The following RBFOX3 variants were observed in gnomAD, a reference collection of about 807,000 sequenced individuals.
RBFOX3 encodes the protein RNA binding protein fox-1 homolog 3.
In RBFOX3, 17 loss-of-function variants were observed where a neutral mutation model predicts 48.7. The ratio of observed to expected loss-of-function variants is 0.35; its 90% CI spans 0.24 to 0.52. The LOEUF (loss-of-function observed/expected upper bound fraction) is 0.52, where lower values mean the gene tolerates loss of function less well. Among genes scored for constraint, RBFOX3 ranks in the 20% least tolerant of loss-of-function variants. RBFOX3 has a pLI of 0.94. For missense variants in RBFOX3, 382 were observed against 497.5 expected, an observed-to-expected ratio of 0.77 and a Z score of 2.21; for synonymous variants, 212 against 209.5, an observed-to-expected ratio of 1.01 and a Z score of -0.10.
rs1268966407 is a variant in RBFOX3 at position 79,212,502 on chromosome 17, C to T, written c.-34+23264G>A. On this transcript the variant is annotated intron_variant, in intron 4 of 14. Transcript: ENST00000693108. The surrounding 1 kb of genome is among the most constrained non-coding windows in gnomAD (Gnocchi z 4.7). The stretch of plus-strand genomic sequence containing the variant: ...GGGTCGGGTCTCACCCTGGGCCCCC[C>T]AGTCCGCAACTCCTGACTCCTTATT... Among the ~76,000 whole-genome samples the T allele has an allele frequency of 6.6e-6, 1 of 152,232 alleles. No individual in the cohort carries two copies. Among genetic ancestry groups the T allele is most frequent in the Non-Finnish European group, 1.5e-5 (1 of 68,048 alleles).
At chr17:79,555,786 AGTGATGGTGATGACGGTG>A (rs1339628927) in intron 1 of RBFOX3, among the ~76,000 whole-genome samples, 147 of 818 alleles carry the variant, frequency 0.18, no homozygotes, top group Admixed American at 0.15. Flanking sequence ...TGATAATGGC[AGTGATGGTGATGACGGTG>A]GTGATGGTGA....
chr17:79,491,948 G>A (rs1041244203), intron 1 of RBFOX3, among the ~76,000 whole-genome samples: 3 of 152,100 alleles, frequency 2.0e-5, no homozygotes, highest in Non-Finnish European at 2.9e-5. Context: ...CAAGTATGGT[G>A]GTGCATACCT....
intron 4 of RBFOX3, among the ~76,000 whole-genome samples, chr17:79,156,021 C>G (rs1364028997): frequency 6.6e-6 from 1 of 152,232 alleles, no homozygotes; most frequent in Non-Finnish European, 1.5e-5. Context: ...AGGTGGGCAT[C>G]ATTCAGCGGC....
chr17:79,653,553 C>G, the RBFOX3 span, among the ~76,000 whole-genome samples: 1 of 152,150 alleles, frequency 6.6e-6, no homozygotes, highest in East Asian at 1.9e-4. Context: ...AAAACCCGAT[C>G]TACCATAAAA....
chr17:79,315,755 T>G (rs2145839386), intron 2 of RBFOX3, among the ~76,000 whole-genome samples: 1 of 152,346 alleles, frequency 6.6e-6, no homozygotes, highest in African/African-American at 2.4e-5. Context: ...GCCGCCACCC[T>G]GGGGGTCTCT....
intron 2 of RBFOX3, among the ~76,000 whole-genome samples, chr17:79,381,472 G>A (rs1412660543): frequency 6.6e-6 from 1 of 152,144 alleles, no homozygotes; most frequent in Non-Finnish European, 1.5e-5. Context: ...GAGTGCTGAG[G>A]AGCTCCCCGG....
At chr17:79,250,760 C>T (rs1417082627) in intron 3 of RBFOX3, among the ~76,000 whole-genome samples, 1 of 151,956 alleles carries the variant, frequency 6.6e-6, no homozygotes, top group African/African-American at 2.4e-5. Context: ...CCTTTCTTTC[C>T]TTTTCTTTTT....
intron 1 of RBFOX3, among the ~76,000 whole-genome samples, chr17:79,545,485 G>A (rs12603295): frequency 0.22 from 32,952 of 152,106 alleles, 4,160 homozygotes; most frequent in East Asian, 0.49. Context: ...TCCCCACTTC[G>A]GCCACCTTGG....
At chr17:79,102,317 G>A (rs2076595009) in intron 8 of RBFOX3, among the ~76,000 whole-genome samples, 1 of 152,214 alleles carries the variant, frequency 6.6e-6, no homozygotes, top group African/African-American at 2.4e-5. Context: ...AAGGGGTCTG[G>A]GCTGTTCTGC....
Position 79,090,627 on chromosome 17 carries a change from C to T in RBFOX3, c.*256G>A. The T allele has an allele frequency of 1.9e-6, 1 of 513,182 alleles. No individual in the cohort carries two copies. Among genetic ancestry groups the T allele is most frequent in the Non-Finnish European group, 3.5e-6 (1 of 289,262 alleles). The allele number at this position is 513,182 out of a possible 1,614,324, so 31.8% of individuals were successfully genotyped here. ...TGCCTGAGACGGAGGGGCGTGTTCCCACTGTGCTGCCAGCCAGGACGCGGT... is the reference window on the plus strand; with the variant it reads ...TGCCTGAGACGGAGGGGCGTGTTCCTACTGTGCTGCCAGCCAGGACGCGGT... On this transcript the variant is annotated 3_prime_UTR_variant, in exon 15 of 15. Transcript: ENST00000693108.
intron 2 of RBFOX3, among the ~76,000 whole-genome samples, chr17:79,380,772 C>T (rs1190149918): frequency 1.3e-5 from 2 of 151,466 alleles, no homozygotes; most frequent in African/African-American, 4.9e-5. Flanking sequence ...TGCTCTGGTG[C>T]CCTGCCACCA....
rs999807737 is a variant in RBFOX3 at position 79,392,633 on chromosome 17, C to T, written c.-174-84809G>A. Reference sequence around the variant, plus strand: ...TCACTTCCAGCCGAAGTTTGCAGAACCAACAGTGTGTGCAGTACCACACCC... The same window carrying T: ...TCACTTCCAGCCGAAGTTTGCAGAATCAACAGTGTGTGCAGTACCACACCC... On this transcript the variant is annotated intron_variant, in intron 2 of 14. Coordinates refer to ENST00000693108, the MANE Select transcript of RBFOX3 (RefSeq NM_001350451.2). The surrounding 1 kb of genome is among the most constrained non-coding windows in gnomAD (Gnocchi z 5.0). 6.6e-6 allele frequency among the ~76,000 whole-genome samples: 1 copy of T among 152,188 alleles called. No homozygotes were observed. The highest frequency in any genetic ancestry group is 1.5e-5 in the Non-Finnish European group (1 of 68,038).
In RBFOX3 at chr17:79,386,626, T is replaced by G. The variant is rs565404958; in HGVS notation, c.-174-78802A>C. On this transcript the variant is annotated intron_variant, in intron 2 of 14. Transcript: ENST00000693108. ...AGCCAGACACCTTCCCCAGAGTCAGTGTGAGCTCCCGGCCAACAACCACGG... is the reference window on the plus strand; with the variant it reads ...AGCCAGACACCTTCCCCAGAGTCAGGGTGAGCTCCCGGCCAACAACCACGG... 2.0e-5 allele frequency among the ~76,000 whole-genome samples: 3 copies of G among 152,334 alleles called. 1 individual carries two copies. Among genetic ancestry groups the G allele is most frequent in the African/African-American group, 7.2e-5 (3 of 41,582 alleles).
At chr17:79,355,632 G>A (rs2084838942) in intron 2 of RBFOX3, among the ~76,000 whole-genome samples, 1 of 151,962 alleles carries the variant, frequency 6.6e-6, no homozygotes, top group South Asian at 2.1e-4. Flanking sequence ...CCAGGCTGGA[G>A]TACAGTGGTT....
At chr17:79,462,652 A>C (rs1555749732) in intron 2 of RBFOX3, among the ~76,000 whole-genome samples, 1 of 152,200 alleles carries the variant, frequency 6.6e-6, no homozygotes, top group African/African-American at 2.4e-5. Context: ...ACAGCCCAAA[A>C]CATCACTAGT....
intron 3 of RBFOX3, among the ~76,000 whole-genome samples, chr17:79,256,870 C>T (rs548374664): frequency 1.3e-5 from 2 of 151,624 alleles, no homozygotes; most frequent in South Asian, 2.1e-4. Context: ...TGCAGTGAGC[C>T]GAGATTGTGC....
intron 3 of RBFOX3, among the ~76,000 whole-genome samples, chr17:79,275,122 C>CT (rs1168955055): frequency 6.3e-5 from 8 of 127,388 alleles, no homozygotes; most frequent in South Asian, 2.5e-4. Flanking sequence ...CTCCATGTCT[C>CT]CCTCTCTCTC....
intron 2 of RBFOX3, among the ~76,000 whole-genome samples, chr17:79,354,853 G>A (rs111803774): frequency 2.6e-5 from 4 of 152,280 alleles, no homozygotes; most frequent in Admixed American, 6.5e-5. Context: ...AGTTTAACAC[G>A]CTGTGCATTT....
chr17:79,483,868 G>A (rs12941898), intron 1 of RBFOX3, among the ~76,000 whole-genome samples: 43,649 of 152,122 alleles, frequency 0.29, 7,786 homozygotes, highest in Non-Finnish European at 0.39. Context: ...CGATCACACC[G>A]GAGAGCAGGA....
Sources: gnomAD v4.1 joint callset for allele counts (sites outside exome capture counted in the v4.1 genomes callset) on GRCh38, gnomAD v4.1.1 for gene constraint, Gnocchi (gnomAD v3.1) non-coding constraint, MANE v1.5 for transcripts, NCBI Gene and HGNC (gene_info 2026-07-23, HGNC 2026-07-21) for gene names.